DISP1: variants seen among roughly 807,000 people sequenced by gnomAD.
DISP1 encodes dispatched RND transporter family member 1.
DISP1 carries 30 observed loss-of-function variants against 37.3 expected under a neutral mutation model. The ratio of observed to expected loss-of-function variants is 0.80; its 90% CI spans 0.60 to 1.09. DISP1 has a LOEUF of 1.09. Among genes scored for constraint, DISP1 ranks in the 50% least tolerant of loss-of-function variants. DISP1 has a pLI of 0.00. For synonymous variants in DISP1, 634 were observed against 690.2 expected, an observed-to-expected ratio of 0.92 and a Z score of 1.28; for missense variants, 1,598 against 1,879.5, an observed-to-expected ratio of 0.85 and a Z score of 2.77.
chr1:222,908,300 T>C lies in DISP1; in HGVS notation c.-158-20130T>C, dbSNP rs1387266583. ...ACAGGAGTTTGAAGTTGCAATGAGC[T>C]ATGATCATGCCACTGCACTCTAGCC... On this transcript the variant is annotated intron_variant, in intron 1 of 8. Coordinates refer to ENST00000675850, the MANE Select transcript of DISP1 (RefSeq NM_001377229.1). Among the ~76,000 whole-genome samples, 7 of 152,312 alleles carry C rather than the reference T, an allele frequency of 4.6e-5. 1 individual carries two copies. In the East Asian group the frequency reaches 7.7e-4, roughly 17 times the overall value.
At chr1:222,840,256 T>G (rs551319513) in intron 1 of DISP1, among the ~76,000 whole-genome samples, 14 of 152,274 alleles carry the variant, frequency 9.2e-5, no homozygotes, top group African/African-American at 3.1e-4. Context: ...GTTTTTTTGT[T>G]TTTTAGACCG....
At chr1:222,991,448 C>T (rs1678686843) in intron 5 of DISP1, 72 bp from the exon 6 acceptor site, 1 of 1,593,516 alleles carries the variant, frequency 6.3e-7, no homozygotes, top group Admixed American at 1.7e-5. Context: ...ACATTGCTTT[C>T]CCAAGCTTTT....
intron 1 of DISP1, among the ~76,000 whole-genome samples, chr1:222,917,848 C>G (rs1323593350): frequency 1.3e-5 from 2 of 151,866 alleles, no homozygotes; most frequent in Non-Finnish European, 2.9e-5. Context: ...AGCTTCATTG[C>G]TCTACAATGT....
intron 2 of DISP1, among the ~76,000 whole-genome samples, chr1:222,937,562 A>G (rs932767033): frequency 6.6e-6 from 1 of 152,200 alleles, no homozygotes; most frequent in Non-Finnish European, 1.5e-5. Flanking sequence ...TATGAAATGT[A>G]TATTTTAAAA....
intron 1 of DISP1, among the ~76,000 whole-genome samples, chr1:222,827,860 C>T (rs867523067): frequency 4.0e-5 from 6 of 151,892 alleles, no homozygotes; most frequent in South Asian, 4.2e-4. Flanking sequence ...CTTTTTAATC[C>T]TGAATAAGGA....
intron 2 of DISP1, among the ~76,000 whole-genome samples, chr1:222,933,295 A>G (rs1673516615): frequency 6.6e-6 from 1 of 151,974 alleles, no homozygotes; most frequent in Non-Finnish European, 1.5e-5. Flanking sequence ...TTTACAGTGT[A>G]TCCATATATC....
At chr1:222,848,812 T>C (rs1668065064) in intron 1 of DISP1, among the ~76,000 whole-genome samples, 1 of 152,070 alleles carries the variant, frequency 6.6e-6, no homozygotes, top group Admixed American at 6.6e-5. Context: ...TGTCTTCCAT[T>C]AATGTGGAAA....
At chr1:222,980,993 G>A (rs376341229) in intron 3 of DISP1, among the ~76,000 whole-genome samples, 39 of 152,200 alleles carry the variant, frequency 2.6e-4, no homozygotes, top group African/African-American at 8.7e-4. Flanking sequence ...CAGGAGGATC[G>A]CTGGAACCCA....
Position 222,843,663 on chromosome 1 carries a change from G to A in DISP1, c.-159+28585G>A, listed in dbSNP as rs907286953. ...GGAGTGATTAATAATTAACTAAAAGGAAAAGCATCTGCTTCTTGAGTTCTG... is the reference window on the plus strand; with the variant it reads ...GGAGTGATTAATAATTAACTAAAAGAAAAAGCATCTGCTTCTTGAGTTCTG... On this transcript the variant is annotated intron_variant, in intron 1 of 8. Coordinates refer to ENST00000675850, the MANE Select transcript of DISP1 (RefSeq NM_001377229.1). Among the ~76,000 whole-genome samples, 18 of 152,154 alleles carry A rather than the reference G, an allele frequency of 1.2e-4. No individual in the cohort carries two copies. In the South Asian group the frequency reaches 3.7e-3, roughly 32 times the overall value.
chr1:222,860,352 C>A (rs886270377), intron 1 of DISP1, among the ~76,000 whole-genome samples: 2 of 152,146 alleles, frequency 1.3e-5, no homozygotes, highest in African/African-American at 4.8e-5. Context: ...CTGTGCCTGG[C>A]CTCATTTATT....
At chr1:222,836,943 G>T in intron 1 of DISP1, 1 of 397,138 alleles carries the variant, frequency 2.5e-6, no homozygotes, top group South Asian at 1.3e-4. Flanking sequence ...ACCTACCTAT[G>T]ACAGAGACTG....
intron 3 of DISP1, among the ~76,000 whole-genome samples, chr1:222,970,706 A>G (rs1418293187): frequency 6.6e-6 from 1 of 152,220 alleles, no homozygotes; most frequent in Admixed American, 6.5e-5. Flanking sequence ...AAAACCCAAG[A>G]TTAACACCCA....
chr1:222,845,900 T>C (rs927807446), intron 1 of DISP1, among the ~76,000 whole-genome samples: 3 of 152,248 alleles, frequency 2.0e-5, no homozygotes, highest in Non-Finnish European at 2.9e-5. Context: ...GGATTTTTAG[T>C]GACTAGTCAA....
Position 223,004,443 on chromosome 1 carries a change from A to T in DISP1, c.3046A>T (p.Ile1016Phe). ...CATAAGCCTTTATGCCATCATTTCAATTGCTGGAACGATATTTGTCACTGT... is the reference window on the plus strand; with the variant it reads ...CATAAGCCTTTATGCCATCATTTCATTTGCTGGAACGATATTTGTCACTGT... ...IIISLYAIIS[I>F]AGTIFVTVGS... is the part of the protein sequence containing the mutation. Residue 1016 changes from isoleucine to phenylalanine, a missense_variant, in exon 9 of 9, where the codon ATT (isoleucine) becomes TTT (phenylalanine). Physicochemically the swap from Ile to Phe is conservative, Grantham distance 21 (BLOSUM62 0). Transcript: ENST00000675850. The surrounding 1 kb of genome is among the most constrained non-coding windows in gnomAD (Gnocchi z 4.9). The T allele has an allele frequency of 6.2e-7, 1 of 1,614,162 alleles. No individual in the cohort carries two copies. Among genetic ancestry groups the T allele is most frequent in the South Asian group, 1.1e-5 (1 of 91,078 alleles).
At chr1:222,876,751 A>C (rs1347332386) in intron 1 of DISP1, among the ~76,000 whole-genome samples, 1 of 152,240 alleles carries the variant, frequency 6.6e-6, no homozygotes, top group Non-Finnish European at 1.5e-5. Flanking sequence ...AGTGTAAGAC[A>C]TTCATGGGAT....
In DISP1 at chr1:222,958,326, T is replaced by C. The variant is rs561152723; in HGVS notation, c.509+14994T>C. Among the ~76,000 whole-genome samples the C allele has an allele frequency of 9.8e-5, 15 of 152,330 alleles. No individual in the cohort carries two copies. In the South Asian group the frequency reaches 2.5e-3, roughly 25 times the overall value. Reference sequence around the variant, plus strand: ...TTGTTTTTTAGCTAATCAATAGCCATTGAATGCTTAAATGGGCTTTAAAGT... The same window carrying C: ...TTGTTTTTTAGCTAATCAATAGCCACTGAATGCTTAAATGGGCTTTAAAGT... On this transcript the variant is annotated intron_variant, in intron 3 of 8. Coordinates refer to ENST00000675850, the MANE Select transcript of DISP1 (RefSeq NM_001377229.1).
chr1:222,981,787 G>T (rs2102694698), intron 3 of DISP1, among the ~76,000 whole-genome samples: 1 of 152,268 alleles, frequency 6.6e-6, no homozygotes, highest in East Asian at 1.9e-4. Context: ...CTCCAAGTAT[G>T]GTACAGTCTG....
chr1:222,836,957 A>G (rs905798594), intron 1 of DISP1: 1 of 397,890 alleles, frequency 2.5e-6, no homozygotes, highest in Non-Finnish European at 4.4e-6. Flanking sequence ...GAGACTGCCA[A>G]ATATACTCCA....
rs763967788 is a variant in DISP1, at chr1:223,004,591, A to G, written c.3194A>G (p.Asp1065Gly). 10 of 1,614,014 alleles carry G rather than the reference A, an allele frequency of 6.2e-6. No individual in the cohort carries two copies. In the Admixed American group the frequency reaches 1.7e-4, roughly 27 times the overall value. Residue 1065 changes from aspartate to glycine, a missense_variant, in exon 9 of 9, where the codon GAT becomes GGT. By Grantham distance (94) the Asp-to-Gly change is moderately conservative. Transcript: ENST00000675850. The surrounding 1 kb of genome is among the most constrained non-coding windows in gnomAD (Gnocchi z 4.9). ...GGGGTTGCCTACCGCTTGGCTCCAG[A>G]TCCCGACCGAGAAGGCAAAGTGATC... Reference protein sequence around the residue: ...HYGVAYRLAPDPDREGKVIFS... With the variant: ...HYGVAYRLAPGPDREGKVIFS...
Sources: allele counts gnomAD v4.1 joint callset (sites outside exome capture counted in the v4.1 genomes callset), GRCh38; gene constraint gnomAD v4.1.1; non-coding constraint Gnocchi (gnomAD v3.1); transcripts MANE v1.5; gene names NCBI Gene and HGNC (gene_info 2026-07-23, HGNC 2026-07-21).